Variants in ALKBH8 observed in about 807,000 individuals in gnomAD.
The protein encoded by ALKBH8 is alkB homolog 8, tRNA methyltransferase, also known as tRNA (carboxymethyluridine(34)-5-O)-methyltransferase ALKBH8.
In ALKBH8, 36 loss-of-function variants were observed where a neutral mutation model predicts 59.8. That is an observed-to-expected ratio of 0.60 (90% CI 0.46 to 0.79). The LOEUF is 0.79. Ranked by LOEUF, ALKBH8 falls within the 30% of genes least tolerant of loss-of-function variation. The pLI, the probability that ALKBH8 is intolerant of heterozygous loss-of-function variation, is 0.00. For missense variants in ALKBH8, 768 were observed against 801.0 expected, an observed-to-expected ratio of 0.96 and a Z score of 0.50; for synonymous variants, 276 against 273.6, an observed-to-expected ratio of 1.01 and a Z score of -0.09.
intron 2 of ALKBH8, among the ~76,000 whole-genome samples, chr11:107,557,993 A>G (rs1864785338): frequency 3.9e-5 from 6 of 152,174 alleles, no homozygotes; most frequent in Admixed American, 3.9e-4. Context: ...TTTTTCTGAG[A>G]AGAGGTAGAT....
chr11:107,551,527 C>T (rs1864490329), intron 6 of ALKBH8, among the ~76,000 whole-genome samples: 1 of 151,828 alleles, frequency 6.6e-6, no homozygotes, highest in Non-Finnish European at 1.5e-5. Context: ...AACCCCATCT[C>T]TACAAAAATA....
At chr11:107,517,488 T>G (rs1174044778) in intron 10 of ALKBH8, among the ~76,000 whole-genome samples, 2 of 152,192 alleles carry the variant, frequency 1.3e-5, no homozygotes, top group African/African-American at 4.8e-5. Context: ...CAACATTATA[T>G]ACAATAGCCA....
At chr11:107,523,751 T>C (rs2135504740) in intron 9 of ALKBH8, among the ~76,000 whole-genome samples, 1 of 151,588 alleles carries the variant, frequency 6.6e-6, no homozygotes, top group Middle Eastern at 3.4e-3. Context: ...TACAGGCGTG[T>C]GCCACCATGC....
At chr11:107,544,860 C>CACAA (rs1323389412) in intron 7 of ALKBH8, among the ~76,000 whole-genome samples, 1 of 119,976 alleles carries the variant, frequency 8.3e-6, no homozygotes, top group African/African-American at 3.0e-5. Context: ...CACACACACA[C>CACAA]AAAGAAGGAG....
intron 6 of ALKBH8, among the ~76,000 whole-genome samples, chr11:107,551,255 CACAA>C (rs1456267189): frequency 1.3e-5 from 2 of 152,158 alleles, no homozygotes; most frequent in Non-Finnish European, 2.9e-5. Context: ...CAAAAAAAAT[CACAA>C]ACAGTGATTT....
chr11:107,515,560 C>T (rs943296225), intron 10 of ALKBH8, among the ~76,000 whole-genome samples: 2 of 152,112 alleles, frequency 1.3e-5, no homozygotes, highest in Non-Finnish European at 2.9e-5. Context: ...TCTCACCATG[C>T]TGCCCAGGCT....
intron 7 of ALKBH8, among the ~76,000 whole-genome samples, chr11:107,547,221 G>T (rs998462019): frequency 2.0e-5 from 3 of 152,208 alleles, no homozygotes; most frequent in African/African-American, 7.2e-5. Flanking sequence ...AGAAAGTAAA[G>T]AAATAGGGCC....
chr11:107,529,216 C>A (rs1011544351), intron 8 of ALKBH8, among the ~76,000 whole-genome samples: 1 of 152,142 alleles, frequency 6.6e-6, no homozygotes, highest in African/African-American at 2.4e-5. Flanking sequence ...AACCATGGAA[C>A]AAACTTCCCA....
At chr11:107,549,387 A>G (rs1297094754) in intron 7 of ALKBH8, among the ~76,000 whole-genome samples, 1 of 152,182 alleles carries the variant, frequency 6.6e-6, no homozygotes, top group Non-Finnish European at 1.5e-5. Context: ...CAGAACACAC[A>G]TTTTAATTTG....
At position 107,522,464 on chromosome 11, in the gene ALKBH8, G is replaced by A. The variant is rs964324969; in HGVS notation, c.1122C>T (p.Tyr374=). ...DKEASRLEQE[Y]VHQVYEEIAG... is the part of the protein sequence containing the mutation. ...CAATCTCTTCATAAACCTGATGGAC[G>A]TACTCTTGCTCCAGCCGTGAGGCTT... The change falls in exon 10 of 12, where the codon TAC becomes TAT. Residue 374 remains tyrosine, a synonymous_variant. Coordinates refer to ENST00000428149, the MANE Select transcript of ALKBH8 (RefSeq NM_138775.3). 8 of 1,551,726 alleles carry A rather than the reference G, an allele frequency of 5.2e-6. No individual in the cohort carries two copies. The highest frequency in any genetic ancestry group is 1.2e-5 in the South Asian group (1 of 84,054).
At chr11:107,559,586 T>C (rs376095560) in intron 2 of ALKBH8, among the ~76,000 whole-genome samples, 72 of 152,244 alleles carry the variant, frequency 4.7e-4, no homozygotes, top group African/African-American at 1.6e-3. Flanking sequence ...ATGAGAGCAG[T>C]GTATGTCAGT....
intron 7 of ALKBH8, 62 bp from the exon 8 acceptor site, chr11:107,532,468 A>G: frequency 7.6e-7 from 1 of 1,307,720 alleles, no homozygotes; most frequent in Non-Finnish European, 1.1e-6. Context: ...AAGGATAAGA[A>G]TGATTAATAG....
At chr11:107,536,271 A>G (rs994790954) in intron 7 of ALKBH8, among the ~76,000 whole-genome samples, 3 of 152,240 alleles carry the variant, frequency 2.0e-5, no homozygotes, top group African/African-American at 7.2e-5. Flanking sequence ...CTGATTTATC[A>G]ATCATTCATT....
At chr11:107,529,532 T>C (rs1014980930) in intron 8 of ALKBH8, among the ~76,000 whole-genome samples, 92 of 151,576 alleles carry the variant, frequency 6.1e-4, no homozygotes, top group Middle Eastern at 3.4e-3. Flanking sequence ...TGATATGGAG[T>C]CTCACTCTGT....
chr11:107,510,720 T>G (rs1035257599), intron 11 of ALKBH8, among the ~76,000 whole-genome samples, 167 bp downstream of exon 11: 2 of 152,216 alleles, frequency 1.3e-5, no homozygotes, highest in African/African-American at 4.8e-5. Context: ...CTTAAACAGT[T>G]GCCCATCTTT....
intron 9 of ALKBH8, among the ~76,000 whole-genome samples, chr11:107,523,092 C>T (rs963290895): frequency 1.3e-5 from 2 of 151,752 alleles, no homozygotes; most frequent in African/African-American, 4.8e-5. Context: ...ATCTTATAAA[C>T]CAGTAATCCC....
rs1196645627 is a variant in ALKBH8 at position 107,556,853 on chromosome 11, T to C, written c.280A>G (p.Lys94Glu). The C allele has an allele frequency of 3.1e-6, 5 of 1,598,838 alleles. No homozygotes were observed. Among genetic ancestry groups the C allele is most frequent in the South Asian group, 1.1e-5 (1 of 88,560 alleles). ...FARYRTTEES[K>E]RAYVTLNGKE... is the part of the protein sequence containing the mutation. ...CCATTGAGGGTAACATAGGCTCTCT[T>C]AGATTCTTCTGTAGTTCTGTATCTT... The change falls in exon 3 of 12, where the codon AAG becomes GAG. Residue 94 changes from lysine to glutamate, a missense_variant. Transcript: ENST00000428149.
chr11:107,527,792 T>C (rs373676345), intron 8 of ALKBH8, among the ~76,000 whole-genome samples: 2 of 152,036 alleles, frequency 1.3e-5, no homozygotes, highest in African/African-American at 4.8e-5. Flanking sequence ...CTTTCAAATA[T>C]TTATGATTTT....
chr11:107,550,340 A>G (rs1400795812), intron 6 of ALKBH8, among the ~76,000 whole-genome samples: 3 of 152,210 alleles, frequency 2.0e-5, no homozygotes, highest in Admixed American at 2.0e-4. Flanking sequence ...CCTGTCCTCA[A>G]AGAGCTTACA....
Sources: allele counts gnomAD v4.1 joint callset (sites outside exome capture counted in the v4.1 genomes callset), GRCh38; gene constraint gnomAD v4.1.1; transcripts MANE v1.5; gene names NCBI Gene and HGNC (gene_info 2026-07-23, HGNC 2026-07-21).